Variants in SF1 observed in about 807,000 individuals in gnomAD.
SF1 encodes branch point-binding protein.
Under a neutral mutation model 62.5 loss-of-function variants are expected in SF1, and 7 were observed. The ratio of observed to expected loss-of-function variants is 0.11; its 90% confidence interval spans 0.06 to 0.21. SF1 has a LOEUF of 0.21. SF1 is among the 10% of genes least tolerant of loss of function. SF1 has a pLI of 1.00. For missense variants in SF1, 578 were observed against 884.0 expected (o/e 0.65, Z 4.39); for synonymous variants, 394 against 323.6 (o/e 1.22, Z -2.33).
At chr11:64,769,646 A>G in intron 5 of SF1, 37 bp from the exon 6 acceptor site, 1 of 1,571,056 alleles carries the variant, frequency 6.4e-7, no homozygotes, top group Non-Finnish European at 8.7e-7. Flanking sequence ...ATACCTGACA[A>G]ATTCACACTC....
chr11:64,770,885 A>G (rs1938211752), intron 3 of SF1, among the ~76,000 whole-genome samples: 1 of 152,222 alleles, frequency 6.6e-6, no homozygotes, highest in Non-Finnish European at 1.5e-5. Context: ...AGTATGTATG[A>G]GCTCTTTAAC....
At chr11:64,766,269 C>T (rs1048718749) in intron 12 of SF1, 114 bp from the exon 13 acceptor site, 3 of 5,866 alleles carry the variant, frequency 5.1e-4, no homozygotes, top group African/African-American at 1.1e-3. Context: ...GCATGCGGTA[C>T]GGTGGTGGGG....
chr11:64,765,379 C>A lies in SF1; in HGVS notation c.*439G>T, dbSNP rs767562529. On this transcript the variant is annotated 3_prime_UTR_variant, in exon 13 of 13. Coordinates refer to ENST00000377390, the MANE Select transcript of SF1 (RefSeq NM_004630.4). Reference sequence around the variant, plus strand: ...AGCCAGCGTGTTCCGATTCCGTCCACAAAAATAACTCAGGCTGCTTTGCCG... The same window carrying A: ...AGCCAGCGTGTTCCGATTCCGTCCAAAAAAATAACTCAGGCTGCTTTGCCG... The A allele has an allele frequency of 1.6e-5, 18 of 1,113,300 alleles. No homozygotes were observed. Among genetic ancestry groups the A allele is most frequent in the Non-Finnish European group, 2.3e-5 (17 of 738,334 alleles). The allele number at this position is 1,113,300 out of a possible 1,614,324, so 69.0% of individuals were successfully genotyped here.
intron 1 of SF1, chr11:64,777,960 C>A: frequency 1.0e-6 from 1 of 989,550 alleles, no homozygotes; most frequent in Non-Finnish European, 1.2e-6. Context: ...CGCGCGACGC[C>A]TCTCGCGCTC....
In SF1 at chr11:64,766,136, C is replaced by CGTG. The variant is rs777905067; in HGVS notation, c.1599_1601dup (p.Thr534dup). ...GCGGGATGGACCCTGTGCCAGCGCT[C>CGTG]GTGGTGGTAGTCGTCGTATCTGGGG... On this transcript the variant is annotated inframe_insertion, in exon 13 of 13. Coordinates refer to ENST00000377390, the MANE Select transcript of SF1 (RefSeq NM_004630.4). 3.2e-5 allele frequency: 51 copies of CGTG among 1,607,032 alleles called. No individual in the cohort carries two copies. The highest frequency in any genetic ancestry group is 4.3e-5 in the Non-Finnish European group (51 of 1,179,690).
In SF1 at chr11:64,778,344, C is replaced by CGGG; in HGVS notation, c.31+15_31+17dup. On this transcript the variant is annotated intron_variant, in intron 1 of 12. Transcript: ENST00000377390. ...TTGGGCCCGGGGAGCGGGGGCAGCC[C>CGGG]GGGGGGGCCCAGCTTACCCAACGGC... 1 of 1,226,090 alleles carries CGGG rather than the reference C, an allele frequency of 8.2e-7. No individual in the cohort carries two copies. Among genetic ancestry groups the CGGG allele is most frequent in the Non-Finnish European group, 1.0e-6 (1 of 983,654 alleles). 76.0% of individuals were successfully genotyped at this position (1,226,090 alleles called of 1,614,324 possible). A position where few individuals can be genotyped will look rare whatever the true frequency, so the allele number is the denominator to read the frequency against.
At chr11:64,774,618 C>T (rs1938856435) in intron 2 of SF1, among the ~76,000 whole-genome samples, 1 of 152,124 alleles carries the variant, frequency 6.6e-6, no homozygotes, top group Non-Finnish European at 1.5e-5. Context: ...AGGGCTATAC[C>T]ACACCCACAC....
rs2058586531 is a variant in SF1, at chr11:64,765,545, A to G, written c.*273T>C. 6.3e-7 allele frequency: 1 copy of G among 1,598,340 alleles called. No individual in the cohort carries two copies. The highest frequency in any genetic ancestry group is 8.5e-7 in the Non-Finnish European group (1 of 1,173,942). ...TGGCGGCCCGGTTTGGGGAGAGGCA[A>G]AGGGAGTTGGGTGAGGAGAGAAAGA... On this transcript the variant is annotated 3_prime_UTR_variant, in exon 13 of 13. Transcript: ENST00000377390.
chr11:64,777,837 C>T, intron 1 of SF1: 1 of 960,360 alleles, frequency 1.0e-6, no homozygotes, highest in Non-Finnish European at 1.2e-6. Context: ...AGAACCAGGC[C>T]GCGCGCGCCC....
At chr11:64,769,787 C>T (rs1160387655) in intron 5 of SF1, 177 bp downstream of exon 5, 1 of 732,770 alleles carries the variant, frequency 1.4e-6, no homozygotes, top group African/African-American at 1.8e-5. Flanking sequence ...GATTTGACTT[C>T]TCCGCACTAG....
Position 64,769,042 on chromosome 11 carries a change from A to C in SF1, c.867T>G (p.Ala289=). Residue 289 remains alanine (A), a synonymous_variant, in exon 8 of 13, where the codon GCT becomes GCG. Coordinates refer to ENST00000377390, the MANE Select transcript of SF1 (RefSeq NM_004630.4). The part of the protein sequence containing the change: ...CTKCGGAGHI[A]SDCKFQRPGD... ...CTCACCTTTGGAATTTACAGTCTGA[A>C]GCAATGTGGCCAGCCCCTCCACACT... The C allele has an allele frequency of 6.2e-7, 1 of 1,613,588 alleles. No homozygotes were observed. Among genetic ancestry groups the C allele is most frequent in the Non-Finnish European group, 8.5e-7 (1 of 1,179,464 alleles).
chr11:64,769,373 G>C, intron 6 of SF1, 35 bp from the exon 7 acceptor site: 1 of 1,613,306 alleles, frequency 6.2e-7, no homozygotes, highest in African/African-American at 1.3e-5. Flanking sequence ...AAGTGCTTAG[G>C]GCCTCCACCT....
In SF1 at chr11:64,765,998, C is replaced by T; in HGVS notation, c.1740G>A (p.Gly580=). The part of the protein sequence containing the change: ...PPGVQPPLPP[G]APPPPPPPPP... The stretch of plus-strand genomic sequence containing the variant: ...GTGGAGGCGGCGGAGGGGGAGGGGC[C>T]CCAGGCGGCAGAGGCGGCTGGACCC... Residue 580 remains glycine, a synonymous_variant, in exon 13 of 13, where the codon GGG becomes GGA. Transcript: ENST00000377390. 6.2e-7 allele frequency: 1 copy of T among 1,606,430 alleles called. No individual in the cohort carries two copies.
At position 64,765,972 on chromosome 11, in the gene SF1, G is replaced by A. The variant is rs374960859; in HGVS notation, c.1766C>T (p.Pro589Leu). Reference protein sequence around the residue: ...PGAPPPPPPPPPGSAGMMYAP... With the variant: ...PGAPPPPPPPLPGSAGMMYAP... ...ATACATCATGCCGGCGGAACCAGGC[G>A]GTGGAGGCGGCGGAGGGGGAGGGGC... The change falls in exon 13 of 13, where the codon CCG (proline) becomes CTG (leucine). Residue 589 changes from proline (P) to leucine (L), a missense_variant. Pro to Leu is a moderately conservative substitution (Grantham distance 98). This residue lies in a region of SF1 where 410 missense variants were observed against 452.4 expected (regional missense o/e 0.91). Transcript: ENST00000377390. 68 of 1,597,158 alleles carry A rather than the reference G, an allele frequency of 4.3e-5. No homozygotes were observed. Among genetic ancestry groups the A allele is most frequent in the East Asian group, 1.8e-4 (8 of 44,122 alleles).
Position 64,778,530 on chromosome 11 carries a change from G to GCGC in SF1, c.-141_-139dup, listed in dbSNP as rs1053236430. On this transcript the variant is annotated 5_prime_UTR_variant, in exon 1 of 13. Coordinates refer to ENST00000377390, the MANE Select transcript of SF1 (RefSeq NM_004630.4). ...TCCTCTCACGCGGCGGGCGGCGGCG[G>GCGC]CGCGAGACGCACAAAGAGGGAGGAG... 1 of 1,201,408 alleles carries GCGC rather than the reference G, an allele frequency of 8.3e-7. No individual in the cohort carries two copies. Among genetic ancestry groups the GCGC allele is most frequent in the African/African-American group, 1.6e-5 (1 of 62,990 alleles). 74.4% of individuals were successfully genotyped at this position (1,201,408 alleles called of 1,614,324 possible).
intron 2 of SF1, among the ~76,000 whole-genome samples, chr11:64,775,306 T>C (rs1939014743): frequency 6.6e-6 from 1 of 152,106 alleles, no homozygotes; most frequent in South Asian, 2.1e-4. Context: ...AAAACAGAAA[T>C]GGAGATATAA....
intron 3 of SF1, 187 bp from the exon 4 acceptor site, chr11:64,770,595 G>A: frequency 3.5e-6 from 2 of 567,070 alleles, no homozygotes; most frequent in South Asian, 2.9e-5. Flanking sequence ...CTTAACGTTA[G>A]GGGTCTGGGG....
At chr11:64,770,440 G>A in intron 3 of SF1, 32 bp from the exon 4 acceptor site, 2 of 1,600,384 alleles carry the variant, frequency 1.2e-6, no homozygotes, top group South Asian at 2.2e-5. Flanking sequence ...TTACTATTCT[G>A]CACCGACTTC....
At chr11:64,766,570 C>T in intron 12 of SF1, 1 of 418,396 alleles carries the variant, frequency 2.4e-6, no homozygotes, top group Non-Finnish European at 4.3e-6. Flanking sequence ...CAAGCATGCA[C>T]CATCCCACTC....
Sources: gnomAD v4.1 joint callset for allele counts (sites outside exome capture counted in the v4.1 genomes callset) on GRCh38, gnomAD v4.1.1 for gene constraint, gnomAD v4.1.1 regional missense constraint, MANE v1.5 for transcripts, NCBI Gene and HGNC (gene_info 2026-07-23, HGNC 2026-07-21) for gene names.